TMEM87A: variants seen among roughly 807,000 people sequenced by gnomAD.
The protein encoded by TMEM87A is transmembrane protein 87A, also known as Golgi-pH regulating cation channel.
TMEM87A carries 50 observed loss-of-function variants against 90.0 expected under a neutral mutation model. That is an observed-to-expected ratio of 0.56 (90% CI 0.44 to 0.70). The LOEUF (loss-of-function observed/expected upper bound fraction) is 0.70. TMEM87A is among the 30% of genes least tolerant of loss of function. The probability of loss-of-function intolerance (pLI) is 0.00; values close to 1 mark genes in which losing one functional copy is unlikely to be tolerated. For missense variants in TMEM87A, 577 were observed against 660.5 expected (o/e 0.87, Z 1.39); for synonymous variants, 226 against 226.7 (o/e 1.00, Z 0.03).
intron 17 of TMEM87A, 99 bp downstream of exon 17, chr15:42,219,482 C>T: frequency 3.1e-6 from 3 of 963,770 alleles, no homozygotes; most frequent in Non-Finnish European, 4.6e-6. Flanking sequence ...ATTGCCAAGA[C>T]CAATGTCACA....
chr15:42,233,350 T>G (rs1490734033), intron 10 of TMEM87A, 44 bp from the exon 11 acceptor site: 2 of 1,474,572 alleles, frequency 1.4e-6, no homozygotes, highest in Non-Finnish European at 1.9e-6. Flanking sequence ...ATGGGACAAA[T>G]GCCGAAACAA....
intron 6 of TMEM87A, among the ~76,000 whole-genome samples, chr15:42,246,562 C>T (rs189851060): frequency 3.3e-5 from 5 of 151,920 alleles, no homozygotes; most frequent in East Asian, 3.9e-4. Flanking sequence ...TTTCTGTCCT[C>T]GAGAGTTTGC....
intron 6 of TMEM87A, among the ~76,000 whole-genome samples, chr15:42,245,101 A>G (rs2050947701): frequency 6.6e-6 from 1 of 152,154 alleles, no homozygotes; most frequent in South Asian, 2.1e-4. Flanking sequence ...AAAGCAGACT[A>G]AACAATTCTC....
At chr15:42,233,067 G>T in intron 11 of TMEM87A, 146 bp downstream of exon 11, 1 of 572,534 alleles carries the variant, frequency 1.7e-6, no homozygotes, top group Non-Finnish European at 3.1e-6. Context: ...AAGAGAACAT[G>T]AACTATACAT....
chr15:42,266,607 C>G (rs541729180), intron 3 of TMEM87A, among the ~76,000 whole-genome samples: 55 of 152,146 alleles, frequency 3.6e-4, no homozygotes, highest in Admixed American at 1.8e-3. Flanking sequence ...ACTGTTGCCC[C>G]TTATCAGGAA....
At chr15:42,248,927 GT>G (rs1459517521) in intron 6 of TMEM87A, among the ~76,000 whole-genome samples, 1 of 152,134 alleles carries the variant, frequency 6.6e-6, no homozygotes, top group African/African-American at 2.4e-5. Context: ...ACTTATTTTA[GT>G]TGGTAGGCTA....
At chr15:42,240,799 C>T (rs1376573075) in intron 7 of TMEM87A, among the ~76,000 whole-genome samples, 2 of 152,092 alleles carry the variant, frequency 1.3e-5, no homozygotes, top group Admixed American at 1.3e-4. Context: ...ACATCCAATA[C>T]TTACATGAAA....
chr15:42,216,960 T>C (rs2050393695), intron 19 of TMEM87A, among the ~76,000 whole-genome samples: 1 of 148,362 alleles, frequency 6.7e-6, no homozygotes, highest in Non-Finnish European at 1.5e-5. Context: ...CTTTTTCTTT[T>C]CTTTTTTTTT....
At chr15:42,242,195 T>C (rs564348960) in intron 7 of TMEM87A, among the ~76,000 whole-genome samples, 1 of 151,888 alleles carries the variant, frequency 6.6e-6, no homozygotes, top group Non-Finnish European at 1.5e-5. Context: ...TCCATGATCA[T>C]GTTGGGCTCT....
Position 42,231,908 on chromosome 15 carries a change from G to C in TMEM87A, c.1063-648C>G. The stretch of plus-strand genomic sequence containing the variant: ...GTTTACTATCAGAGTCAAGGGATAA[G>C]AAAAATACTATAGCAACAGCAGAAG... On this transcript the variant is annotated intron_variant, in intron 11 of 19. Coordinates refer to ENST00000389834, the MANE Select transcript of TMEM87A (RefSeq NM_015497.5). 3 of 1,275,242 alleles carry C rather than the reference G, an allele frequency of 2.4e-6. No individual in the cohort carries two copies. The South Asian group carries it at 3.8e-5, about 16-fold the overall frequency. 79.0% of individuals were successfully genotyped at this position (1,275,242 alleles called of 1,614,324 possible). A position where few individuals can be genotyped will look rare whatever the true frequency, so the allele number is the denominator to read the frequency against.
chr15:42,240,290 T>C (rs8030650), intron 7 of TMEM87A, among the ~76,000 whole-genome samples: 142,749 of 152,200 alleles, frequency 0.94, 67,405 homozygotes, highest in Non-Finnish European at 1. Context: ...GAAAAAAACT[T>C]AAAAATTTAA....
rs1251293421 is a variant in TMEM87A at position 42,211,182 on chromosome 15, T to C, written c.*526A>G. 1 of 152,440 alleles carries C rather than the reference T, an allele frequency of 6.6e-6. No homozygotes were observed. Among genetic ancestry groups the C allele is most frequent in the Non-Finnish European group, 1.5e-5 (1 of 68,058 alleles). The allele number at this position is 152,440 out of a possible 1,614,324, so 9.4% of individuals were successfully genotyped here. ...GATCATTGATAGAACTATGGCTCCT[T>C]AACTCAGAAGGGCCCTTTTTTCTCA... is the stretch of plus-strand genomic sequence containing the variant. On this transcript the variant is annotated 3_prime_UTR_variant, in exon 20 of 20. Coordinates refer to ENST00000389834, the MANE Select transcript of TMEM87A (RefSeq NM_015497.5).
At chr15:42,237,405 A>G in intron 9 of TMEM87A, 27 bp downstream of exon 9, 1 of 1,609,968 alleles carries the variant, frequency 6.2e-7, no homozygotes, top group Non-Finnish European at 8.5e-7. Context: ...AACCACTCGA[A>G]CTGGCAAAGA....
intron 6 of TMEM87A, chr15:42,257,958 T>G: frequency 2.0e-6 from 2 of 982,472 alleles, no homozygotes; most frequent in Non-Finnish European, 2.4e-6. Context: ...TTACAAAGGA[T>G]TTTTACTTTT....
chr15:42,273,467 T>C, upstream of TMEM87A: 1 of 1,600,332 alleles, frequency 6.2e-7, no homozygotes, highest in Non-Finnish European at 8.5e-7. Flanking sequence ...TTCTTCCGGC[T>C]CTGCTCTAAG....
At chr15:42,227,591 G>A in intron 14 of TMEM87A, 120 bp downstream of exon 14, 1 of 800,480 alleles carries the variant, frequency 1.2e-6, no homozygotes, top group Non-Finnish European at 2.0e-6. Context: ...AACCCTCAGA[G>A]TAGAGACCTA....
intron 15 of TMEM87A, among the ~76,000 whole-genome samples, chr15:42,225,996 C>G (rs2050584567): frequency 6.6e-6 from 1 of 152,072 alleles, no homozygotes; most frequent in Non-Finnish European, 1.5e-5. Context: ...AATGTGCTCA[C>G]TTTGTGTGTC....
intron 6 of TMEM87A, among the ~76,000 whole-genome samples, chr15:42,250,380 G>C (rs571220089): frequency 6.6e-6 from 1 of 152,276 alleles, no homozygotes; most frequent in South Asian, 2.1e-4. Flanking sequence ...TTTACAATTT[G>C]GCATGTTTTT....
In TMEM87A at chr15:42,226,858, T is replaced by C. The variant is rs2050604626; in HGVS notation, c.1351A>G (p.Met451Val). ...AGAACCATGATGACAAAGAGGATCA[T>C]GGAGAACAGCAAGCGCCAGATGGCA... ...DDAIWRLLFS[M>V]ILFVIMVLWR... The change falls in exon 15 of 20, where the codon ATG becomes GTG. Residue 451 changes from methionine to valine, a missense_variant. Physicochemically the swap from Met to Val is conservative, Grantham distance 21. Transcript: ENST00000389834. 1.9e-6 allele frequency: 3 copies of C among 1,613,982 alleles called. No individual in the cohort carries two copies. Among genetic ancestry groups the C allele is most frequent in the African/African-American group, 1.3e-5 (1 of 74,896 alleles).
Sources: gnomAD v4.1 joint callset for allele counts (sites outside exome capture counted in the v4.1 genomes callset) on GRCh38, gnomAD v4.1.1 for gene constraint, MANE v1.5 for transcripts, NCBI Gene and HGNC (gene_info 2026-07-23, HGNC 2026-07-21) for gene names.